Variants in LPP observed in about 807,000 individuals in gnomAD.
LPP encodes lipoma-preferred partner.
In LPP, 38 loss-of-function variants were observed where a neutral mutation model predicts 60.4. The observed-to-expected ratio is 0.63, with a 90% CI of 0.49 to 0.83. LPP has a LOEUF of 0.83. Ranked by LOEUF, LPP falls within the 40% of genes least tolerant of loss-of-function variation. The pLI, the probability that LPP is intolerant of heterozygous loss-of-function variation, is 0.00. For synonymous variants in LPP, 328 were observed against 290.8 expected (o/e 1.13, Z -1.30); for missense variants, 902 against 783.6 (o/e 1.15, Z -1.80).
chr3:188,708,140 C>T (rs1865847101), intron 7 of LPP, 127 bp from the exon 8 acceptor site: 4 of 994,860 alleles, frequency 4.0e-6, no homozygotes, highest in Non-Finnish European at 4.4e-6. Context: ...AATTCTAAAA[C>T]CCAGGTCTCC....
At chr3:188,534,934 A>T (rs770786847) in intron 6 of LPP, among the ~76,000 whole-genome samples, 2 of 152,216 alleles carry the variant, frequency 1.3e-5, no homozygotes, top group South Asian at 4.1e-4. Flanking sequence ...AGTAAAGTTA[A>T]ACACTGCCTT....
chr3:188,403,077 GA>G (rs1349121834), intron 3 of LPP, among the ~76,000 whole-genome samples: 1 of 152,130 alleles, frequency 6.6e-6, no homozygotes, highest in Non-Finnish European at 1.5e-5. Context: ...AGATACTGAG[GA>G]GGACATCTGC....
At chr3:188,721,140 C>T (rs1412638969) in intron 8 of LPP, among the ~76,000 whole-genome samples, 2 of 152,078 alleles carry the variant, frequency 1.3e-5, no homozygotes, top group Non-Finnish European at 2.9e-5. Context: ...AATCAATTAA[C>T]TTTTTATCCG....
At chr3:188,296,917 T>G (rs527925952) in intron 2 of LPP, among the ~76,000 whole-genome samples, 7 of 152,154 alleles carry the variant, frequency 4.6e-5, no homozygotes, top group Non-Finnish European at 1.0e-4. Flanking sequence ...TGCCTCCTCA[T>G]CTGAGAACAA....
chr3:188,812,112 G>A (rs1397525760), intron 9 of LPP, among the ~76,000 whole-genome samples: 3 of 152,054 alleles, frequency 2.0e-5, no homozygotes, highest in African/African-American at 7.2e-5. Flanking sequence ...GGTCAAGGTT[G>A]AGTACGTTTA....
Position 188,307,601 on chromosome 3 carries a change from G to A in LPP, c.-66-34062G>A, listed in dbSNP as rs567970064. ...ACACTGGGATGTAAGCTCCGTGAGC[G>A]CCAGGATTTAGTCTTTTTAAGTTGT... On this transcript the variant is annotated intron_variant, in intron 2 of 11. Coordinates refer to ENST00000617246, the MANE Select transcript of LPP (RefSeq NM_001375462.1). Among the ~76,000 whole-genome samples the A allele has an allele frequency of 7.9e-5, 12 of 152,246 alleles. No individual in the cohort carries two copies. The East Asian group carries it at 1.2e-3, about 15-fold the overall frequency.
chr3:188,487,923 A>G (rs1322973246), intron 5 of LPP, among the ~76,000 whole-genome samples: 1 of 152,122 alleles, frequency 6.6e-6, no homozygotes, highest in Non-Finnish European at 1.5e-5. Flanking sequence ...GAGTTGTAAG[A>G]TTTTGAGAGC....
intron 5 of LPP, among the ~76,000 whole-genome samples, chr3:188,509,011 A>G (rs957893312): frequency 6.6e-6 from 1 of 152,100 alleles, no homozygotes; most frequent in Non-Finnish European, 1.5e-5. Context: ...GGCTTAGGAA[A>G]ATCTTATGTT....
intron 3 of LPP, among the ~76,000 whole-genome samples, chr3:188,378,599 G>A (rs936204228): frequency 6.6e-6 from 1 of 152,124 alleles, no homozygotes; most frequent in African/African-American, 2.4e-5. Flanking sequence ...TGATTTTCCA[G>A]GTGCCGTCTG....
intron 7 of LPP, among the ~76,000 whole-genome samples, chr3:188,680,994 C>CTT (rs11307025): frequency 0.027 from 3,436 of 129,076 alleles, 174 homozygotes; most frequent in African/African-American, 0.09. Flanking sequence ...GGTGCATTTC[C>CTT]TTTTTTTTTT....
intron 7 of LPP, among the ~76,000 whole-genome samples, chr3:188,641,315 T>C (rs1229927335): frequency 2.0e-5 from 3 of 152,118 alleles, no homozygotes; most frequent in Non-Finnish European, 2.9e-5. Flanking sequence ...CAGTTAGAAG[T>C]GGTTAGAGAA....
rs1249771975 is a variant in LPP, at chr3:188,609,697, C to T, written c.966C>T (p.His322=). The part of the protein sequence containing the change: ...DSDPTYGQQG[H]PNTWKREPGY... ...ACCCTACCTATGGTCAACAAGGTCA[C>T]CCAAATACCTGGAAACGGGAACCAG... Residue 322 remains histidine (H), a synonymous_variant, in exon 7 of 12, where the codon CAC becomes CAT. Transcript: ENST00000617246. The surrounding 1 kb of genome is among the most constrained non-coding windows in gnomAD (Gnocchi z 6.9). The T allele has an allele frequency of 2.5e-6, 4 of 1,614,130 alleles. No individual in the cohort carries two copies. Among genetic ancestry groups the T allele is most frequent in the African/African-American group, 1.3e-5 (1 of 75,036 alleles).
chr3:188,763,233 A>G (rs566941977), intron 9 of LPP, among the ~76,000 whole-genome samples: 79 of 151,406 alleles, frequency 5.2e-4, no homozygotes, highest in African/African-American at 1.8e-3. Context: ...GCCCTTGGCC[A>G]TCAGTCAGTG....
At chr3:188,240,751 G>A (rs539320983) in intron 2 of LPP, among the ~76,000 whole-genome samples, 1 of 152,232 alleles carries the variant, frequency 6.6e-6, no homozygotes, top group African/African-American at 2.4e-5. Context: ...GGTGGGAGGA[G>A]CATGGCAAGG....
intron 1 of LPP, among the ~76,000 whole-genome samples, chr3:188,214,915 G>A (rs1272989923): frequency 3.3e-5 from 5 of 152,148 alleles, no homozygotes; most frequent in Admixed American, 2.0e-4. Flanking sequence ...AATTATTGTG[G>A]CACTATAGCT....
At chr3:188,444,283 A>G (rs1442414808) in intron 4 of LPP, among the ~76,000 whole-genome samples, 1 of 151,374 alleles carries the variant, frequency 6.6e-6, no homozygotes, top group Non-Finnish European at 1.5e-5. Flanking sequence ...GTATCATTGC[A>G]TGTATATGTT....
chr3:188,567,338 T>G (rs1332905184), intron 6 of LPP, among the ~76,000 whole-genome samples: 1 of 151,926 alleles, frequency 6.6e-6, no homozygotes, highest in East Asian at 1.9e-4. Flanking sequence ...TTAGGACTAT[T>G]AAATGTATTA....
At chr3:188,189,016 G>T (rs1367522534) in intron 1 of LPP, among the ~76,000 whole-genome samples, 1 of 152,142 alleles carries the variant, frequency 6.6e-6, no homozygotes, top group African/African-American at 2.4e-5. Flanking sequence ...ATAATGTATT[G>T]GAGGTGATGA....
At chr3:188,639,184 C>G (rs914650976) in intron 7 of LPP, among the ~76,000 whole-genome samples, 18 of 152,112 alleles carry the variant, frequency 1.2e-4, no homozygotes, top group Non-Finnish European at 2.4e-4. Context: ...ATCAATGGAA[C>G]AGAACAGAGT....
Sources: gnomAD v4.1 joint callset for allele counts (sites outside exome capture counted in the v4.1 genomes callset) on GRCh38, gnomAD v4.1.1 for gene constraint, Gnocchi (gnomAD v3.1) non-coding constraint, MANE v1.5 for transcripts, NCBI Gene and HGNC (gene_info 2026-07-23, HGNC 2026-07-21) for gene names.